Variants in CCDC158 observed in about 807,000 individuals in gnomAD.
CCDC158 encodes the protein coiled-coil domain-containing protein 158.
A neutral mutation model predicts 138.6 loss-of-function variants in CCDC158; 116 were observed. The ratio of observed to expected loss-of-function variants is 0.84; its 90% confidence interval spans 0.72 to 0.98. The LOEUF (loss-of-function observed/expected upper bound fraction) is 0.98. Among genes scored for constraint, CCDC158 ranks in the 50% least tolerant of loss-of-function variants. The pLI is 0.00. For synonymous variants in CCDC158, 436 were observed against 442.4 expected (o/e 0.99, Z 0.18); for missense variants, 1,265 against 1,306.1 (o/e 0.97, Z 0.48).
At chr4:76,351,581 A>C (rs1007231290) in intron 17 of CCDC158, 139 bp downstream of exon 17, 39 of 619,912 alleles carry the variant, frequency 6.3e-5, no homozygotes, top group Non-Finnish European at 1.1e-4. Context: ...AACAATGTAC[A>C]CATCTTATCA....
At chr4:76,314,139 A>G (rs1048653596) in intron 24 of CCDC158, among the ~76,000 whole-genome samples, 3 of 152,232 alleles carry the variant, frequency 2.0e-5, no homozygotes, top group Admixed American at 2.0e-4. Flanking sequence ...TCCTCCCAGA[A>G]TTCCCCCTAA....
rs564943508 is a variant in CCDC158 at position 76,377,663 on chromosome 4, C to G, written c.1029+1627G>C. Among the ~76,000 whole-genome samples, 6 of 152,290 alleles carry G rather than the reference C, an allele frequency of 3.9e-5. No individual in the cohort carries two copies. In the South Asian group the frequency reaches 1.2e-3, roughly 32 times the overall value. ...AGAAAAGACACTAGAACATAAAAAG[C>G]AGGCTTCAGAGAGGCAGAGAAAAGC... On this transcript the variant is annotated intron_variant, in intron 9 of 24. Coordinates refer to ENST00000682701, the MANE Select transcript of CCDC158 (RefSeq NM_001394954.1).
intron 4 of CCDC158, among the ~76,000 whole-genome samples, chr4:76,395,172 G>A (rs1414162467): frequency 6.6e-6 from 1 of 152,088 alleles, no homozygotes; most frequent in Non-Finnish European, 1.5e-5. Flanking sequence ...TAGTGCCTCT[G>A]TGCTTCGTTT....
At chr4:76,381,540 T>G (rs913914695) in intron 8 of CCDC158, among the ~76,000 whole-genome samples, 2 of 152,256 alleles carry the variant, frequency 1.3e-5, no homozygotes, top group Non-Finnish European at 2.9e-5. Context: ...CCCAGTTGTA[T>G]CTTGGAAATA....
intron 18 of CCDC158, 39 bp downstream of exon 18, chr4:76,350,957 A>C: frequency 6.3e-7 from 1 of 1,588,248 alleles, no homozygotes; most frequent in Non-Finnish European, 8.6e-7. Context: ...ACTTACGCAT[A>C]TGTCATTTGC....
Position 76,369,549 on chromosome 4 carries a change from T to C in CCDC158, c.1224A>G (p.Thr408=), listed in dbSNP as rs769624516. 1 of 1,614,162 alleles carries C rather than the reference T, an allele frequency of 6.2e-7. No individual in the cohort carries two copies. ...GGTGGTCAATGGTGATGCTGTTGCC[T>C]GTGTCTCGGTCCCACAGACGCTTAT... ...EQNKRLWDRD[T]GNSITIDHLR... is the part of the protein sequence containing the mutation. The change falls in exon 11 of 25, where the codon ACA becomes ACG. Residue 408 remains threonine (T), a synonymous_variant. Transcript: ENST00000682701.
At chr4:76,347,940 T>C (rs535459350) in intron 18 of CCDC158, among the ~76,000 whole-genome samples, 4 of 152,262 alleles carry the variant, frequency 2.6e-5, no homozygotes, top group African/African-American at 7.2e-5. Flanking sequence ...TGGGTTGTTA[T>C]AGGAAAATAT....
chr4:76,369,465 C>G lies in CCDC158; in HGVS notation c.1308G>C (p.Lys436Asn). The change falls in exon 11 of 25, where the codon AAG becomes AAC. Residue 436 changes from lysine (K) to asparagine (N), a missense_variant. By Grantham distance (94) the Lys-to-Asn change is moderately conservative. Coordinates refer to ENST00000682701, the MANE Select transcript of CCDC158 (RefSeq NM_001394954.1). Reference sequence around the variant, plus strand: ...GGCCCTGACACTCGCTCTTCAAGGCCTTGAGCAGGGCTTCCAGGCGCTGCA... The same window carrying G: ...GGCCCTGACACTCGCTCTTCAAGGCGTTGAGCAGGGCTTCCAGGCGCTGCA... ...MEVQRLEALL[K>N]ALKSECQGQM... is the part of the protein sequence containing the mutation. 1 of 1,614,172 alleles carries G rather than the reference C, an allele frequency of 6.2e-7. No homozygotes were observed. Among genetic ancestry groups the G allele is most frequent in the Non-Finnish European group, 8.5e-7 (1 of 1,180,014 alleles).
chr4:76,379,364 G>T lies in CCDC158; in HGVS notation c.955C>A (p.Leu319Ile), dbSNP rs755054743. The change falls in exon 9 of 25, where the codon CTC (leucine) becomes ATC (isoleucine). Residue 319 changes from leucine to isoleucine, a missense_variant. Coordinates refer to ENST00000682701, the MANE Select transcript of CCDC158 (RefSeq NM_001394954.1). Reference sequence around the variant, plus strand: ...GAAACAGTAGATTCCAGATCGCTGAGCTGACGCATATACATAGAGTTTTGG... The same window carrying T: ...GAAACAGTAGATTCCAGATCGCTGATCTGACGCATATACATAGAGTTTTGG... The part of the protein sequence containing the change: ...RNQNSMYMRQ[L>I]SDLESTVSQL... The T allele has an allele frequency of 6.2e-7, 1 of 1,609,694 alleles. No individual in the cohort carries two copies. The highest frequency in any genetic ancestry group is 1.1e-5 in the South Asian group (1 of 90,148).
Position 76,325,983 on chromosome 4 carries a change from A to G in CCDC158, c.3043T>C (p.Ser1015Pro). Residue 1015 changes from serine to proline, a missense_variant, in exon 23 of 25, where the codon TCA (serine) becomes CCA (proline). By Grantham distance (74) the Ser-to-Pro change is moderately conservative. Coordinates refer to ENST00000682701, the MANE Select transcript of CCDC158 (RefSeq NM_001394954.1). ...GACTTCTTAGGAGAAGAATTGAATG[A>G]ACGAGAAGCTGAGTTTTTCACAGAT... ...SPSVKNSASRSFNSSPKKSPV... is the reference protein window; with the variant it reads ...SPSVKNSASRPFNSSPKKSPV... 2 of 1,612,910 alleles carry G rather than the reference A, an allele frequency of 1.2e-6. No homozygotes were observed. Among genetic ancestry groups the G allele is most frequent in the Non-Finnish European group, 1.7e-6 (2 of 1,179,510 alleles).
At chr4:76,331,854 A>T (rs934477867) in intron 20 of CCDC158, among the ~76,000 whole-genome samples, 2 of 152,212 alleles carry the variant, frequency 1.3e-5, no homozygotes, top group Admixed American at 1.3e-4. Flanking sequence ...TTTTCAAGTA[A>T]TAGCTATAGT....
At chr4:76,365,767 T>A (rs1194862437) in intron 12 of CCDC158, among the ~76,000 whole-genome samples, 2 of 152,138 alleles carry the variant, frequency 1.3e-5, no homozygotes, top group Non-Finnish European at 2.9e-5. Flanking sequence ...GGCAACTTGT[T>A]CAGAAACACC....
chr4:76,396,749 T>A (rs1166894169), intron 3 of CCDC158, among the ~76,000 whole-genome samples: 1 of 152,076 alleles, frequency 6.6e-6, no homozygotes, highest in Non-Finnish European at 1.5e-5. Context: ...GGTCTCGTAC[T>A]CCTGACCTCC....
rs77275929 is a variant in CCDC158 at position 76,358,006 on chromosome 4, C to T, written c.2021-480G>A. Among the ~76,000 whole-genome samples the T allele has an allele frequency of 4.0e-3, 608 of 151,816 alleles. 3 individuals are homozygous for T. The highest frequency in any genetic ancestry group is 0.014 in the African/African-American group (577 of 41,296). Reference sequence around the variant, plus strand: ...ACACATGTGTGCACACACACACACACACACATATTTATTTATATGTATCTA... The same window carrying T: ...ACACATGTGTGCACACACACACACATACACATATTTATTTATATGTATCTA... On this transcript the variant is annotated intron_variant, in intron 13 of 24. Coordinates refer to ENST00000682701, the MANE Select transcript of CCDC158 (RefSeq NM_001394954.1).
chr4:76,400,071 A>G (rs1728206541), intron 3 of CCDC158, among the ~76,000 whole-genome samples: 1 of 152,128 alleles, frequency 6.6e-6, no homozygotes, highest in Admixed American at 6.5e-5. Context: ...GAGACAGAAG[A>G]CAGGGGAAGG....
chr4:76,331,132 AAAGACAAAAG>A, intron 21 of CCDC158, among the ~76,000 whole-genome samples: 1 of 152,298 alleles, frequency 6.6e-6, no homozygotes, highest in East Asian at 1.9e-4. Context: ...TGAAAACAGA[AAAGACAAAAG>A]TAAGTTTTTC....
At chr4:76,397,438 G>A (rs1329326316) in intron 3 of CCDC158, among the ~76,000 whole-genome samples, 3 of 152,174 alleles carry the variant, frequency 2.0e-5, no homozygotes, top group South Asian at 4.2e-4. Context: ...ACAGAAACAA[G>A]TAAACCTAAG....
chr4:76,421,129 G>A lies in CCDC158; in HGVS notation c.-281C>T, dbSNP rs1730093562. ...GGGGCGGCTCCTCCTCCTCGGCTGC[G>A]GCGCCGGAAGCTGCCCGCGCCCGTC... On this transcript the variant is annotated 5_prime_UTR_variant, in exon 1 of 25. Transcript: ENST00000682701. Among the ~76,000 whole-genome samples, 1 of 152,012 alleles carries A rather than the reference G, an allele frequency of 6.6e-6. No individual in the cohort carries two copies. Among genetic ancestry groups the A allele is most frequent in the Non-Finnish European group, 1.5e-5 (1 of 67,974 alleles).
At chr4:76,328,308 C>A (rs1051615413) in intron 22 of CCDC158, among the ~76,000 whole-genome samples, 141 of 152,304 alleles carry the variant, frequency 9.3e-4, no homozygotes, top group African/African-American at 3.3e-3. Context: ...TGGGATATAT[C>A]CAGGAACCAA....
Sources: gnomAD v4.1 joint callset for allele counts (sites outside exome capture counted in the v4.1 genomes callset) on GRCh38, gnomAD v4.1.1 for gene constraint, MANE v1.5 for transcripts, NCBI Gene and HGNC (gene_info 2026-07-23, HGNC 2026-07-21) for gene names.